Variants in WWOX observed in about 807,000 individuals in gnomAD.
The protein encoded by WWOX is WW domain containing oxidoreductase.
A neutral mutation model predicts 46.2 loss-of-function variants in WWOX; 69 were observed. That is an observed-to-expected ratio of 1.49 (90% CI 1.23 to 1.82). The LOEUF is 1.82. Among genes scored for constraint, WWOX ranks in the 40% most tolerant of loss-of-function variants. The probability of loss-of-function intolerance (pLI) is 0.00; values close to 1 mark genes in which losing one functional copy is unlikely to be tolerated. For missense variants in WWOX, 919 were observed against 542.6 expected (o/e 1.69, Z -6.89); for synonymous variants, 359 against 202.6 (o/e 1.77, Z -6.56).
chr16:78,892,948 C>T (rs1057181508), intron 8 of WWOX, among the ~76,000 whole-genome samples: 3 of 152,202 alleles, frequency 2.0e-5, no homozygotes, highest in Non-Finnish European at 4.4e-5. Context: ...TCCTTAAGCA[C>T]TCACAGGTAG....
At chr16:79,010,920 G>A (rs545077082) in intron 8 of WWOX, among the ~76,000 whole-genome samples, 8 of 152,168 alleles carry the variant, frequency 5.3e-5, no homozygotes, top group Non-Finnish European at 1.0e-4. Context: ...GTGGGACCTC[G>A]GAGGTCCTGC....
Position 79,178,355 on chromosome 16 carries a change from C to T in WWOX, c.1057-33253C>T, listed in dbSNP as rs2050842879. On this transcript the variant is annotated intron_variant, in intron 8 of 8. Coordinates refer to ENST00000566780, the MANE Select transcript of WWOX (RefSeq NM_016373.4). ...TGATTGAGATAGGGTCTCACTGTGT[C>T]ACCCAGGCTGGAGTGCAGTGGTGCG... 4.6e-5 allele frequency among the ~76,000 whole-genome samples: 7 copies of T among 152,106 alleles called. No individual in the cohort carries two copies. In the South Asian group the frequency reaches 1.5e-3, roughly 32 times the overall value.
At chr16:78,723,539 A>T (rs1010448951) in intron 8 of WWOX, among the ~76,000 whole-genome samples, 1 of 148,480 alleles carries the variant, frequency 6.7e-6, no homozygotes, top group Non-Finnish European at 1.5e-5. Context: ...CACTTCTTCT[A>T]CCTTGATTCC....
intron 8 of WWOX, among the ~76,000 whole-genome samples, chr16:78,746,180 C>T (rs1231625393): frequency 6.6e-6 from 1 of 152,162 alleles, no homozygotes; most frequent in Non-Finnish European, 1.5e-5. Flanking sequence ...GCAGGGTCAG[C>T]AGAAAGCTGA....
chr16:78,753,723 G>T (rs954673132), intron 8 of WWOX, among the ~76,000 whole-genome samples: 2 of 147,696 alleles, frequency 1.4e-5, no homozygotes, highest in African/African-American at 5.0e-5. Flanking sequence ...GATTGCTTGA[G>T]CCTGGGAAGT....
At chr16:79,146,765 C>T (rs541065510) in intron 8 of WWOX, among the ~76,000 whole-genome samples, 1 of 152,068 alleles carries the variant, frequency 6.6e-6, no homozygotes, top group Non-Finnish European at 1.5e-5. Flanking sequence ...AGCTTACATT[C>T]TAGGAAGCGA....
At chr16:78,422,457 A>G (rs554132617) in intron 6 of WWOX, among the ~76,000 whole-genome samples, 7 of 150,484 alleles carry the variant, frequency 4.7e-5, no homozygotes, top group East Asian at 2.0e-4. Flanking sequence ...TAATCCTCCT[A>G]TCTCAGCCTC....
chr16:78,947,631 C>G (rs1356939873), intron 8 of WWOX, among the ~76,000 whole-genome samples: 1 of 152,084 alleles, frequency 6.6e-6, no homozygotes. Context: ...GTCAGATAAC[C>G]CCCGATCGTA....
intron 8 of WWOX, among the ~76,000 whole-genome samples, chr16:79,092,249 G>A (rs748744953): frequency 6.6e-6 from 1 of 152,088 alleles, no homozygotes; most frequent in Non-Finnish European, 1.5e-5. Context: ...TTAGCCCACC[G>A]ATTATTAAGG....
chr16:79,022,071 G>A (rs780818086), intron 8 of WWOX, among the ~76,000 whole-genome samples: 6 of 152,202 alleles, frequency 3.9e-5, no homozygotes, highest in Non-Finnish European at 7.3e-5. Flanking sequence ...GAGAGATGGG[G>A]ATGCCAAGTA....
intron 8 of WWOX, among the ~76,000 whole-genome samples, chr16:78,930,827 C>A (rs1250415358): frequency 3.3e-5 from 5 of 152,112 alleles, no homozygotes; most frequent in African/African-American, 1.2e-4. Context: ...GTTCATAGGT[C>A]AGTCGCTATG....
chr16:78,375,005 G>A (rs919655577), intron 5 of WWOX, among the ~76,000 whole-genome samples: 1 of 152,100 alleles, frequency 6.6e-6, no homozygotes, highest in African/African-American at 2.4e-5. Context: ...GTCTTTACTG[G>A]TATTATGGTG....
intron 8 of WWOX, among the ~76,000 whole-genome samples, chr16:79,089,221 A>G (rs182471688): frequency 4.5e-4 from 68 of 152,228 alleles, no homozygotes; most frequent in African/African-American, 1.4e-3. Flanking sequence ...CATGTTTTAT[A>G]TGGAGACATT....
chr16:78,108,524 C>G (rs778218775), intron 2 of WWOX, 37 bp downstream of exon 2: 2 of 1,608,154 alleles, frequency 1.2e-6, no homozygotes, highest in Admixed American at 1.7e-5. Context: ...TGGATGGAAG[C>G]ATTAAGTAGA....
intron 8 of WWOX, among the ~76,000 whole-genome samples, chr16:78,808,884 C>G (rs867515161): frequency 1.3e-5 from 2 of 152,124 alleles, no homozygotes; most frequent in East Asian, 1.9e-4. Flanking sequence ...AGTTGTGTGG[C>G]TTGGTGGAGC....
At chr16:78,267,623 C>G (rs1280080907) in intron 5 of WWOX, among the ~76,000 whole-genome samples, 1 of 152,196 alleles carries the variant, frequency 6.6e-6, no homozygotes, top group Non-Finnish European at 1.5e-5. Context: ...GCATGGAAAC[C>G]AAGCCTGAGA....
At chr16:78,730,548 C>T (rs567042594) in intron 8 of WWOX, among the ~76,000 whole-genome samples, 1 of 151,690 alleles carries the variant, frequency 6.6e-6, no homozygotes, top group Non-Finnish European at 1.5e-5. Context: ...ACCGCCTGGT[C>T]TCAAATGATC....
chr16:78,963,661 C>T (rs927710674), intron 8 of WWOX, among the ~76,000 whole-genome samples: 3 of 152,206 alleles, frequency 2.0e-5, no homozygotes, highest in South Asian at 2.1e-4. Flanking sequence ...TATTAAGAGC[C>T]AACATGCATT....
At chr16:79,130,021 C>T (rs2049843911) in intron 8 of WWOX, among the ~76,000 whole-genome samples, 1 of 152,206 alleles carries the variant, frequency 6.6e-6, no homozygotes, top group Non-Finnish European at 1.5e-5. Flanking sequence ...AGAGAGCTTA[C>T]TCCTTGTTAG....
Sources: allele counts gnomAD v4.1 joint callset (sites outside exome capture counted in the v4.1 genomes callset), GRCh38; gene constraint gnomAD v4.1.1; transcripts MANE v1.5; gene names NCBI Gene and HGNC (gene_info 2026-07-23, HGNC 2026-07-21).